TNFSF4: variants seen among roughly 807,000 people sequenced by gnomAD.
TNFSF4 encodes TNF superfamily member 4.
In TNFSF4, 4 loss-of-function variants were observed where a neutral mutation model predicts 7.3. The ratio of observed to expected loss-of-function variants is 0.55; its 90% CI spans 0.27 to 1.25. The LOEUF is 1.25. Ranked by LOEUF, TNFSF4 falls within the 50% of genes most tolerant of loss-of-function variation. The pLI, the probability that TNFSF4 is intolerant of heterozygous loss-of-function variation, is 0.12. For synonymous variants in TNFSF4, 76 were observed against 83.7 expected, an observed-to-expected ratio of 0.91 and a Z score of 0.50; for missense variants, 181 against 208.8, an observed-to-expected ratio of 0.87 and a Z score of 0.82.
chr1:173,352,106 T>A, the TNFSF4 span: 18 of 271,596 alleles, frequency 6.6e-5, no homozygotes, highest in South Asian at 1.6e-4. Context: ...CTGGTGACCG[T>A]CATTGCTACA....
the TNFSF4 span, among the ~76,000 whole-genome samples, chr1:173,322,332 C>T: frequency 2.6e-3 from 397 of 151,382 alleles, 2 homozygotes; most frequent in African/African-American, 8.8e-3. Context: ...TGTAAGGGGG[C>T]GGGGGGCAAG....
the TNFSF4 span, among the ~76,000 whole-genome samples, chr1:173,358,140 G>A: frequency 6.6e-6 from 1 of 152,168 alleles, no homozygotes; most frequent in Non-Finnish European, 1.5e-5. Context: ...AGAAGGGGAC[G>A]TGATGATGGA....
At chr1:173,337,527 A>T in the TNFSF4 span, among the ~76,000 whole-genome samples, 1 of 152,174 alleles carries the variant, frequency 6.6e-6, no homozygotes, top group Non-Finnish European at 1.5e-5. Context: ...ACCAGTTGAC[A>T]GAGGAAAAGA....
In TNFSF4 at chr1:173,207,266, G is replaced by T; in HGVS notation, c.-90C>A. On this transcript the variant is annotated 5_prime_UTR_variant, in exon 1 of 3. Transcript: ENST00000281834. ...TTTTCCCCAGAAAGAAGGAGGTAAA[G>T]ACAAAACAAAGCCTATCAATCAGAA... The T allele has an allele frequency of 1.5e-6, 2 of 1,319,204 alleles. No individual in the cohort carries two copies. Among genetic ancestry groups the T allele is most frequent in the Non-Finnish European group, 2.1e-6 (2 of 948,600 alleles). 81.7% of individuals were successfully genotyped at this position (1,319,204 alleles called of 1,614,324 possible).
At chr1:173,325,485 AG>A in the TNFSF4 span, among the ~76,000 whole-genome samples, 46 of 152,310 alleles carry the variant, frequency 3.0e-4, 1 homozygote, top group East Asian at 8.9e-3. Flanking sequence ...CACATTCAAA[AG>A]CTAGCAGAAG....
At chr1:173,444,910 T>G in the TNFSF4 span, among the ~76,000 whole-genome samples, 5 of 152,244 alleles carry the variant, frequency 3.3e-5, 1 homozygote, top group East Asian at 9.6e-4. Flanking sequence ...CAAAGTGAGG[T>G]TCTTGAATTG....
At chr1:173,283,159 T>A in the TNFSF4 span, among the ~76,000 whole-genome samples, 2 of 152,170 alleles carry the variant, frequency 1.3e-5, no homozygotes, top group South Asian at 4.1e-4. Flanking sequence ...CTTTAGCCTA[T>A]GTGGTGGGAT....
downstream of TNFSF4, among the ~76,000 whole-genome samples, chr1:173,180,836 C>A (rs1370233327): frequency 6.6e-6 from 1 of 152,114 alleles, no homozygotes; most frequent in Non-Finnish European, 1.5e-5. Flanking sequence ...ATACGATGAA[C>A]AATAGACATG....
the TNFSF4 span, among the ~76,000 whole-genome samples, chr1:173,248,160 C>A: frequency 6.6e-6 from 1 of 152,012 alleles, no homozygotes; most frequent in Non-Finnish European, 1.5e-5. Context: ...TTGAGACCAT[C>A]CTGGCTAACA....
the TNFSF4 span, among the ~76,000 whole-genome samples, chr1:173,335,986 T>C: frequency 6.6e-6 from 1 of 152,190 alleles, no homozygotes; most frequent in African/African-American, 2.4e-5. Flanking sequence ...TGTGGGCTTA[T>C]GAAGATAAGG....
chr1:173,208,413 G>A (rs955816352), upstream of TNFSF4, among the ~76,000 whole-genome samples: 1 of 152,134 alleles, frequency 6.6e-6, no homozygotes, highest in Non-Finnish European at 1.5e-5. Flanking sequence ...GACAGTATGA[G>A]TTGTTATACC....
chr1:173,216,838 C>A, the TNFSF4 span, among the ~76,000 whole-genome samples: 1 of 152,160 alleles, frequency 6.6e-6, no homozygotes, highest in East Asian at 1.9e-4. Flanking sequence ...TACTGTAGAC[C>A]TTTCCTTCCT....
chr1:173,306,732 AG>A, the TNFSF4 span, among the ~76,000 whole-genome samples: 1 of 151,826 alleles, frequency 6.6e-6, no homozygotes, highest in African/African-American at 2.4e-5. Flanking sequence ...AGTCCTCTTT[AG>A]TGGAATCTCA....
the TNFSF4 span, among the ~76,000 whole-genome samples, chr1:173,394,399 C>G: frequency 6.6e-6 from 1 of 152,242 alleles, no homozygotes; most frequent in East Asian, 1.9e-4. Flanking sequence ...GCTATTCTTA[C>G]TTTATATTTC....
the TNFSF4 span, among the ~76,000 whole-genome samples, chr1:173,296,458 A>C: frequency 6.6e-6 from 1 of 152,024 alleles, no homozygotes; most frequent in African/African-American, 2.4e-5. Context: ...AACACACACA[A>C]AAAAATACAG....
At chr1:173,304,564 G>T in the TNFSF4 span, among the ~76,000 whole-genome samples, 1 of 151,958 alleles carries the variant, frequency 6.6e-6, no homozygotes, top group Non-Finnish European at 1.5e-5. Context: ...GCTGATAGAA[G>T]CACAACTACA....
At chr1:173,373,761 C>G in the TNFSF4 span, among the ~76,000 whole-genome samples, 2 of 152,220 alleles carry the variant, frequency 1.3e-5, no homozygotes. Context: ...AAGGGGATTT[C>G]AATACTTGTT....
At position 173,185,776 on chromosome 1, in the gene TNFSF4, C is replaced by T. The variant is rs1019844707; in HGVS notation, c.*740G>A. ...ACTCTCCCTGTATACAAGAAAATCT[C>T]TCTTAAGTCACTGATTAGATTTTTC... On this transcript the variant is annotated 3_prime_UTR_variant, in exon 3 of 3. Coordinates refer to ENST00000281834, the MANE Select transcript of TNFSF4 (RefSeq NM_003326.5). The T allele has an allele frequency of 7.2e-5, 11 of 152,216 alleles. No homozygotes were observed. Among genetic ancestry groups the T allele is most frequent in the African/African-American group, 2.7e-4 (11 of 41,444 alleles). 9.4% of individuals were successfully genotyped at this position (152,216 alleles called of 1,614,324 possible).
At chr1:173,405,654 C>A in the TNFSF4 span, among the ~76,000 whole-genome samples, 3 of 152,124 alleles carry the variant, frequency 2.0e-5, no homozygotes, top group East Asian at 5.8e-4. Flanking sequence ...GGTTTATTCA[C>A]TGTCTGAATC....
Sources: allele counts gnomAD v4.1 joint callset (sites outside exome capture counted in the v4.1 genomes callset), GRCh38; gene constraint gnomAD v4.1.1; transcripts MANE v1.5; gene names NCBI Gene and HGNC (gene_info 2026-07-23, HGNC 2026-07-21).